The following ASCC3 variants were observed in gnomAD, a reference collection of about 807,000 sequenced individuals.
ASCC3 encodes activating signal cointegrator 1 complex subunit 3.
A neutral mutation model predicts 256.3 loss-of-function variants in ASCC3; 158 were observed. The observed-to-expected ratio is 0.62, with a 90% CI of 0.54 to 0.70. ASCC3 has a LOEUF of 0.70. ASCC3 is among the 30% of genes least tolerant of loss of function. The probability of loss-of-function intolerance (pLI) is 0.00; values close to 1 mark genes in which losing one functional copy is unlikely to be tolerated. For missense variants in ASCC3, 2,259 were observed against 2,626.0 expected (o/e 0.86, Z 3.05); for synonymous variants, 948 against 883.4 (o/e 1.07, Z -1.30).
rs149769819 is a variant in ASCC3, at chr6:100,611,977, T to C, written c.4786-4889A>G. On this transcript the variant is annotated intron_variant, in intron 30 of 41. Transcript: ENST00000369162. ...AATGTATAGGTGTCTTTCCAATAAATAGCCTTTGAAATATGTCTGACCACC... is the reference window on the plus strand; with the variant it reads ...AATGTATAGGTGTCTTTCCAATAAACAGCCTTTGAAATATGTCTGACCACC... Among the ~76,000 whole-genome samples the C allele has an allele frequency of 3.0e-4, 45 of 152,034 alleles. No homozygotes were observed. The East Asian group carries it at 7.9e-3, about 27-fold the overall frequency.
intron 13 of ASCC3, among the ~76,000 whole-genome samples, chr6:100,692,062 C>T (rs558617833): frequency 6.6e-6 from 1 of 152,204 alleles, no homozygotes; most frequent in Admixed American, 6.5e-5. Flanking sequence ...TTCTAACATT[C>T]ACCCAGATTT....
intron 13 of ASCC3, among the ~76,000 whole-genome samples, chr6:100,694,812 T>G (rs1778007043): frequency 6.6e-6 from 1 of 152,150 alleles, no homozygotes; most frequent in South Asian, 2.1e-4. Flanking sequence ...AAGGAAGCTA[T>G]TCCATACATA....
At chr6:100,548,372 A>G (rs1769098021) in intron 36 of ASCC3, among the ~76,000 whole-genome samples, 1 of 151,970 alleles carries the variant, frequency 6.6e-6, no homozygotes, top group South Asian at 2.1e-4. Flanking sequence ...CCCATATTAC[A>G]TGCCAAGTAT....
chr6:100,522,839 T>G (rs1228589623), intron 37 of ASCC3, among the ~76,000 whole-genome samples: 1 of 151,266 alleles, frequency 6.6e-6, no homozygotes, highest in Admixed American at 6.6e-5. Flanking sequence ...ATAGCTCTGG[T>G]AAATGGGTAC....
At chr6:100,723,959 C>T (rs1779494756) in intron 11 of ASCC3, among the ~76,000 whole-genome samples, 1 of 139,248 alleles carries the variant, frequency 7.2e-6, no homozygotes, top group African/African-American at 2.6e-5. Flanking sequence ...CATGCATATA[C>T]ATCATATACA....
intron 25 of ASCC3, 72 bp from the exon 26 acceptor site, chr6:100,631,285 CA>C: frequency 7.9e-7 from 1 of 1,260,306 alleles, no homozygotes; most frequent in Non-Finnish European, 1.1e-6. Flanking sequence ...AAGTAAACTC[CA>C]AAAAATTTGT....
At chr6:100,530,892 A>C in intron 37 of ASCC3, 1 of 1,276,092 alleles carries the variant, frequency 7.8e-7, no homozygotes, top group South Asian at 1.2e-5. Flanking sequence ...CATCACAAAC[A>C]ATCAATACCA....
chr6:100,854,260 T>G (rs1484286914), intron 3 of ASCC3, among the ~76,000 whole-genome samples: 1 of 152,002 alleles, frequency 6.6e-6, no homozygotes, highest in Non-Finnish European at 1.5e-5. Flanking sequence ...ATGTGGCTTT[T>G]GGGGGAATAA....
chr6:100,634,879 A>G (rs903664785), intron 25 of ASCC3, among the ~76,000 whole-genome samples: 1 of 147,040 alleles, frequency 6.8e-6, no homozygotes, highest in East Asian at 1.9e-4. Context: ...AAAAAAAAAA[A>G]AAAGAAAAGA....
rs540726354 is a variant in ASCC3, at chr6:100,571,462, A to G, written c.5550+18172T>C. Among the ~76,000 whole-genome samples the G allele has an allele frequency of 6.6e-5, 10 of 152,242 alleles. No homozygotes were observed. The South Asian group carries it at 1.9e-3, about 28-fold the overall frequency. Reference sequence around the variant, plus strand: ...TTTATTCTTGGCCAACTCCACTATAACTATAAGGTCCATGAGTGCTGGAAC... The same window carrying G: ...TTTATTCTTGGCCAACTCCACTATAGCTATAAGGTCCATGAGTGCTGGAAC... On this transcript the variant is annotated intron_variant, in intron 36 of 41. Coordinates refer to ENST00000369162, the MANE Select transcript of ASCC3 (RefSeq NM_006828.4).
chr6:100,871,708 G>C (rs769309284), intron 1 of ASCC3, among the ~76,000 whole-genome samples: 3 of 152,194 alleles, frequency 2.0e-5, no homozygotes, highest in Non-Finnish European at 4.4e-5. Flanking sequence ...CAAGGCTGCA[G>C]TAAGCCATGA....
intron 4 of ASCC3, among the ~76,000 whole-genome samples, chr6:100,825,305 A>C (rs1771247783): frequency 6.6e-6 from 1 of 150,532 alleles, no homozygotes; most frequent in South Asian, 2.1e-4. Context: ...CCCATCGGCT[A>C]AAAAAGCAGA....
chr6:100,590,168 C>T (rs1771930389), intron 34 of ASCC3, 109 bp from the exon 35 acceptor site: 1 of 799,442 alleles, frequency 1.3e-6, no homozygotes, highest in Non-Finnish European at 2.1e-6. Context: ...TATTATAAAA[C>T]CTATCCTCAG....
At chr6:100,728,315 T>C (rs910826579) in intron 10 of ASCC3, among the ~76,000 whole-genome samples, 2 of 152,050 alleles carry the variant, frequency 1.3e-5, no homozygotes, top group Admixed American at 6.6e-5. Context: ...CCATAAAAGT[T>C]AGAATGAATG....
In ASCC3 at chr6:100,848,128, A is replaced by G. The variant is rs531886792; in HGVS notation, c.801+20T>C. 13 of 1,551,940 alleles carry G rather than the reference A, an allele frequency of 8.4e-6. No individual in the cohort carries two copies. The African/African-American group carries it at 1.7e-4, about 20-fold the overall frequency. On this transcript the variant is annotated intron_variant, in intron 4 of 41. Transcript: ENST00000369162. ...GGATAGTTCACATTAATATAAAAAA[A>G]TAAATCATTTCAACTATACCTCATC...
At chr6:100,656,346 G>A (rs1181157032) in intron 16 of ASCC3, among the ~76,000 whole-genome samples, 1 of 151,576 alleles carries the variant, frequency 6.6e-6, no homozygotes, top group Non-Finnish European at 1.5e-5. Flanking sequence ...GTGTGAAGAT[G>A]TAATATGAAT....
intron 10 of ASCC3, among the ~76,000 whole-genome samples, chr6:100,743,174 C>T (rs1288756609): frequency 3.9e-5 from 6 of 152,054 alleles, no homozygotes; most frequent in South Asian, 2.1e-4. Context: ...TTCCCTTGGC[C>T]GGGGGTGGGG....
chr6:100,575,295 T>G (rs983669573), intron 36 of ASCC3, among the ~76,000 whole-genome samples: 8 of 152,130 alleles, frequency 5.3e-5, no homozygotes, highest in Admixed American at 6.6e-5. Context: ...TTCTCCCTTA[T>G]AAAAACAAAA....
chr6:100,737,777 T>C (rs1207921810), intron 10 of ASCC3, among the ~76,000 whole-genome samples: 1 of 152,222 alleles, frequency 6.6e-6, no homozygotes, highest in Non-Finnish European at 1.5e-5. Context: ...ATGGTATTAC[T>C]GCTCTAGGTC....
Sources: gnomAD v4.1 joint callset for allele counts (sites outside exome capture counted in the v4.1 genomes callset) on GRCh38, gnomAD v4.1.1 for gene constraint, MANE v1.5 for transcripts, NCBI Gene and HGNC (gene_info 2026-07-23, HGNC 2026-07-21) for gene names.